UGCG: variants seen among roughly 807,000 people sequenced by gnomAD.
UGCG encodes the protein UDP-glucose ceramide glucosyltransferase.
In UGCG, 10 loss-of-function variants were observed where a neutral mutation model predicts 49.5. The ratio of observed to expected loss-of-function variants is 0.20; its 90% CI spans 0.12 to 0.34. UGCG has a LOEUF of 0.34. UGCG is among the 10% of genes least tolerant of loss of function. The pLI, the probability that UGCG is intolerant of heterozygous loss-of-function variation, is 1.00. For missense variants in UGCG, 312 were observed against 483.7 expected (o/e 0.65, Z 3.33); for synonymous variants, 182 against 158.2 (o/e 1.15, Z -1.13).
chr9:111,904,140 C>A (rs929915984), intron 1 of UGCG, among the ~76,000 whole-genome samples: 2 of 152,216 alleles, frequency 1.3e-5, no homozygotes, highest in Non-Finnish European at 2.9e-5. Context: ...TCATTTAATT[C>A]TCCATTTAGC....
intron 3 of UGCG, 117 bp from the exon 4 acceptor site, chr9:111,924,660 G>C: frequency 2.5e-6 from 1 of 402,686 alleles, no homozygotes; most frequent in Non-Finnish European, 4.3e-6. Context: ...TAAATAATAT[G>C]AAAGTATGTT....
At chr9:111,916,588 C>T (rs1838115387) in intron 2 of UGCG, among the ~76,000 whole-genome samples, 1 of 152,016 alleles carries the variant, frequency 6.6e-6, no homozygotes, top group Non-Finnish European at 1.5e-5. Flanking sequence ...TCCCACCTCA[C>T]CCTCCCTGGT....
rs537794129 is a variant in UGCG, at chr9:111,933,918, T to G, written c.*921T>G. 2.6e-5 allele frequency: 4 copies of G among 152,260 alleles called. No homozygotes were observed. The South Asian group carries it at 8.3e-4, about 32-fold the overall frequency. 9.4% of individuals were successfully genotyped at this position (152,260 alleles called of 1,614,324 possible). A position where few individuals can be genotyped will look rare whatever the true frequency, so the allele number is the denominator to read the frequency against. ...TGTTTTGATAGTTGTAAGGAAAAAA[T>G]GCATTTCAGACACATTTCACACATG... On this transcript the variant is annotated 3_prime_UTR_variant, in exon 9 of 9. Coordinates refer to ENST00000374279, the MANE Select transcript of UGCG (RefSeq NM_003358.3).
chr9:111,927,163 GC>G (rs1838330751), intron 5 of UGCG, among the ~76,000 whole-genome samples: 1 of 151,940 alleles, frequency 6.6e-6, no homozygotes, highest in Non-Finnish European at 1.5e-5. Context: ...GAGCCACTGC[GC>G]CCAGCCCTCA....
At chr9:111,903,356 GGAGTTCA>G (rs1837813650) in intron 1 of UGCG, among the ~76,000 whole-genome samples, 1 of 152,176 alleles carries the variant, frequency 6.6e-6, no homozygotes, top group Non-Finnish European at 1.5e-5. Flanking sequence ...CCTGAGGTCA[GGAGTTCA>G]AGACCAGCCT....
In UGCG at chr9:111,907,821, G is replaced by A. The variant is rs144806235; in HGVS notation, c.99-6784G>A. On this transcript the variant is annotated intron_variant, in intron 1 of 8. Coordinates refer to ENST00000374279, the MANE Select transcript of UGCG (RefSeq NM_003358.3). ...TTTTTGTATTTTTAGAAGAGATAGG[G>A]TTTCACCATGTTGGCCAGGCTGGTC... 4.8e-3 allele frequency among the ~76,000 whole-genome samples: 724 copies of A among 152,030 alleles called. 6 individuals are homozygous for A. Among genetic ancestry groups the A allele is most frequent in the African/African-American group, 0.017 (687 of 41,468 alleles).
At chr9:111,913,505 C>G (rs1198602399) in intron 1 of UGCG, among the ~76,000 whole-genome samples, 3 of 152,062 alleles carry the variant, frequency 2.0e-5, no homozygotes, top group African/African-American at 7.2e-5. Flanking sequence ...ACAATCTTGG[C>G]TCACTGCAAC....
chr9:111,902,620 A>G (rs976119569), intron 1 of UGCG, among the ~76,000 whole-genome samples: 3 of 152,226 alleles, frequency 2.0e-5, no homozygotes, highest in African/African-American at 7.2e-5. Context: ...AAGCTTTGTG[A>G]CTTGGAGCAG....
chr9:111,932,039 A>G lies in UGCG; in HGVS notation c.825-131A>G, dbSNP rs556947158. 4 of 1,043,664 alleles carry G rather than the reference A, an allele frequency of 3.8e-6. No individual in the cohort carries two copies. In the African/African-American group the frequency reaches 4.9e-5, roughly 13 times the overall value. The allele number at this position is 1,043,664 out of a possible 1,614,324, so 64.7% of individuals were successfully genotyped here. ...CGTCTCAAGTAAAAAAAAAAAAACA[A>G]AACAAAAAAAGTTTAAAGAGAATGG... On this transcript the variant is annotated intron_variant, in intron 7 of 8. Transcript: ENST00000374279.
At chr9:111,931,563 CATT>C (rs1173163843) in intron 7 of UGCG, among the ~76,000 whole-genome samples, 2 of 152,138 alleles carry the variant, frequency 1.3e-5, no homozygotes, top group African/African-American at 4.8e-5. Flanking sequence ...TGAAAGCACT[CATT>C]AGAGAAATGT....
chr9:111,926,716 A>G (rs904253804), intron 5 of UGCG, among the ~76,000 whole-genome samples: 1 of 152,160 alleles, frequency 6.6e-6, no homozygotes, highest in Non-Finnish European at 1.5e-5. Context: ...AGCTGTGCGC[A>G]GGAAATGCCT....
chr9:111,897,254 C>T lies in UGCG; in HGVS notation c.39C>T (p.Val13=), dbSNP rs1339342511. The T allele has an allele frequency of 5.8e-6, 9 of 1,557,292 alleles. No homozygotes were observed. Among genetic ancestry groups the T allele is most frequent in the Non-Finnish European group, 7.8e-6 (9 of 1,151,104 alleles). ...LLDLALEGMA[V]FGFVLFLVLW... ...ACCTGGCCTTGGAGGGAATGGCCGTCTTCGGGTTCGTCCTCTTCTTGGTGC... is the reference window on the plus strand; with the variant it reads ...ACCTGGCCTTGGAGGGAATGGCCGTTTTCGGGTTCGTCCTCTTCTTGGTGC... Residue 13 remains valine (V), a synonymous_variant, in exon 1 of 9, where the codon GTC becomes GTT. Coordinates refer to ENST00000374279, the MANE Select transcript of UGCG (RefSeq NM_003358.3).
chr9:111,917,163 A>C (rs886955516), intron 2 of UGCG, among the ~76,000 whole-genome samples: 5 of 152,200 alleles, frequency 3.3e-5, no homozygotes, highest in Non-Finnish European at 7.3e-5. Flanking sequence ...TAGCATCTGC[A>C]GATTATTTTA....
intron 4 of UGCG, 46 bp downstream of exon 4, chr9:111,924,924 A>G: frequency 3.3e-6 from 4 of 1,199,890 alleles, no homozygotes; most frequent in Non-Finnish European, 3.3e-6. Flanking sequence ...TAATTTGAAG[A>G]TAAAATGCTA....
Position 111,912,031 on chromosome 9 carries a change from T to TACATAC in UGCG, c.99-2573_99-2572insCATACA, listed in dbSNP as rs1564200082. Among the ~76,000 whole-genome samples, 3 of 133,022 alleles carry TACATAC rather than the reference T, an allele frequency of 2.3e-5. No homozygotes were observed. The East Asian group carries it at 6.6e-4, about 29-fold the overall frequency. 87.3% of individuals were successfully genotyped at this position (133,022 alleles called of 152,430 possible). On this transcript the variant is annotated intron_variant, in intron 1 of 8. Transcript: ENST00000374279. The stretch of plus-strand genomic sequence containing the variant: ...GGATACATATATATATTCAACAGGA[T>TACATAC]ATATATATATATATATATATATCCT...
At chr9:111,920,905 G>A (rs1001847507) in intron 2 of UGCG, among the ~76,000 whole-genome samples, 4 of 147,634 alleles carry the variant, frequency 2.7e-5, no homozygotes, top group African/African-American at 7.8e-5. Context: ...TGTTGTCGTC[G>A]TTTTGTTTTT....
intron 1 of UGCG, among the ~76,000 whole-genome samples, chr9:111,910,783 T>G (rs566197846): frequency 3.9e-5 from 6 of 152,156 alleles, no homozygotes; most frequent in Non-Finnish European, 5.9e-5. Context: ...TCTCTCTCTG[T>G]TGCCCACGCT....
chr9:111,928,549 T>G (rs1420960663), intron 5 of UGCG, among the ~76,000 whole-genome samples: 1 of 152,188 alleles, frequency 6.6e-6, no homozygotes, highest in Non-Finnish European at 1.5e-5. Context: ...TCCTAAGACC[T>G]CAATAACTAC....
chr9:111,931,489 G>C, intron 7 of UGCG, 132 bp downstream of exon 7: 1 of 725,080 alleles, frequency 1.4e-6, no homozygotes, highest in Non-Finnish European at 2.2e-6. Flanking sequence ...GCAGAAAATA[G>C]AGTTTAACGT....
Sources: allele counts gnomAD v4.1 joint callset (sites outside exome capture counted in the v4.1 genomes callset), GRCh38; gene constraint gnomAD v4.1.1; transcripts MANE v1.5; gene names NCBI Gene and HGNC (gene_info 2026-07-23, HGNC 2026-07-21).